The following ZNF696 variants were observed in gnomAD, a reference collection of about 807,000 sequenced individuals.
ZNF696 encodes the protein zinc finger protein 696.
ZNF696 carries 10 observed loss-of-function variants against 12.3 expected under a neutral mutation model. The ratio of observed to expected loss-of-function variants is 0.81; its 90% CI spans 0.50 to 1.38. ZNF696 has a LOEUF of 1.38. ZNF696 is among the 40% of genes most tolerant of loss of function. The pLI is 0.00. For missense variants in ZNF696, 675 were observed against 554.7 expected (o/e 1.22, Z -2.18); for synonymous variants, 304 against 243.9 (o/e 1.25, Z -2.29).
rs1393578310 is a variant in ZNF696 at position 143,297,286 on chromosome 8, G to A, written c.*486G>A. On this transcript the variant is annotated 3_prime_UTR_variant, in exon 3 of 3. Transcript: ENST00000330143. ...CCTCCCCCGTACCTTGCGGGTCGGT[G>A]GTTCATCCATGTATTTCAACGCCTT... 6.3e-6 allele frequency: 1 copy of A among 158,090 alleles called. No homozygotes were observed. Among genetic ancestry groups the A allele is most frequent in the African/African-American group, 2.4e-5 (1 of 41,698 alleles). The allele number at this position is 158,090 out of a possible 1,614,324, so 9.8% of individuals were successfully genotyped here.
At chr8:143,295,394 A>G (rs997906970) in intron 2 of ZNF696, 24 of 579,006 alleles carry the variant, frequency 4.1e-5, no homozygotes, top group East Asian at 7.8e-5. Flanking sequence ...GGATCTCACT[A>G]TGTTGGCCAG....
Position 143,298,423 on chromosome 8 carries a change from G to C in ZNF696, c.*1623G>C, listed in dbSNP as rs532835908. Among the ~76,000 whole-genome samples, 5 of 152,270 alleles carry C rather than the reference G, an allele frequency of 3.3e-5. No homozygotes were observed. Among genetic ancestry groups the C allele is most frequent in the Non-Finnish European group, 5.9e-5 (4 of 68,010 alleles). On this transcript the variant is annotated 3_prime_UTR_variant, in exon 3 of 3. Coordinates refer to ENST00000330143, the MANE Select transcript of ZNF696 (RefSeq NM_030895.3). The stretch of plus-strand genomic sequence containing the variant: ...TGGTGAGGTGGGAAGATGAGCCTGT[G>C]TCTCCCATGCTGAGCCAAGATCCTC...
At position 143,295,507 on chromosome 8, in the gene ZNF696, C is replaced by G. The variant is rs985611380; in HGVS notation, c.65-233C>G. On this transcript the variant is annotated intron_variant, in intron 2 of 2. Coordinates refer to ENST00000330143, the MANE Select transcript of ZNF696 (RefSeq NM_030895.3). ...CACATCCGGCCCCACAGCCCCGTTT[C>G]TGGAGTGGCAGTGCAGGATTCTCGT... 6 of 694,616 alleles carry G rather than the reference C, an allele frequency of 8.6e-6. No homozygotes were observed. The African/African-American group carries it at 1.1e-4, about 12-fold the overall frequency. 43.0% of individuals were successfully genotyped at this position (694,616 alleles called of 1,614,324 possible).
Position 143,296,190 on chromosome 8 carries a change from AGCGG to A in ZNF696, c.519_522del (p.Ala174ThrfsTer186), listed in dbSNP as rs1815708388. 6.3e-7 allele frequency: 1 copy of A among 1,599,710 alleles called. No homozygotes were observed. The highest frequency in any genetic ancestry group is 1.3e-5 in the African/African-American group (1 of 74,602). ...CACAGCTCGCACGTGGTCCGGCACC[AGCGG>A]GCGCACAGCGGGGAGAGGCCCTACG... On this transcript the variant is annotated frameshift_variant, in exon 3 of 3. Coordinates refer to ENST00000330143, the MANE Select transcript of ZNF696 (RefSeq NM_030895.3). LOFTEE classifies it high-confidence loss of function.
At chr8:143,292,903 C>T in intron 1 of ZNF696, 69 bp from the exon 2 acceptor site, 1 of 1,381,492 alleles carries the variant, frequency 7.2e-7, no homozygotes, top group Non-Finnish European at 9.9e-7. Context: ...GGCATTCTGA[C>T]CTCACTGCCC....
chr8:143,294,853 G>A (rs1289256867), intron 2 of ZNF696, among the ~76,000 whole-genome samples: 2 of 152,088 alleles, frequency 1.3e-5, no homozygotes. Flanking sequence ...ACTTTAGGAG[G>A]CTCAGGTGGG....
At position 143,296,507 on chromosome 8, in the gene ZNF696, T is replaced by G. The variant is rs767395279; in HGVS notation, c.832T>G (p.Ser278Ala). The G allele has an allele frequency of 3.7e-6, 6 of 1,607,780 alleles. No homozygotes were observed. Among genetic ancestry groups the G allele is most frequent in the East Asian group, 2.2e-5 (1 of 44,814 alleles). Reference protein sequence around the residue: ...RECGQAFSQSSNLLQHQRVHT... With the variant: ...RECGQAFSQSANLLQHQRVHT... Reference sequence around the variant, plus strand: ...GTGCGGCCAGGCCTTCAGCCAGAGCTCCAACCTCCTCCAGCACCAGCGCGT... The same window carrying G: ...GTGCGGCCAGGCCTTCAGCCAGAGCGCCAACCTCCTCCAGCACCAGCGCGT... Residue 278 changes from serine to alanine, a missense_variant, in exon 3 of 3, where the codon TCC becomes GCC. Ser to Ala is a moderately conservative substitution (Grantham distance 99). Coordinates refer to ENST00000330143, the MANE Select transcript of ZNF696 (RefSeq NM_030895.3).
chr8:143,293,713 T>G (rs1815662731), intron 2 of ZNF696, among the ~76,000 whole-genome samples: 1 of 152,200 alleles, frequency 6.6e-6, no homozygotes, highest in South Asian at 2.1e-4. Flanking sequence ...TAGTCTTGGT[T>G]CTTTTTCCTC....
At chr8:143,292,467 T>C (rs1815640331) in intron 1 of ZNF696, among the ~76,000 whole-genome samples, 1 of 152,096 alleles carries the variant, frequency 6.6e-6, no homozygotes, top group Non-Finnish European at 1.5e-5. Context: ...TAAATTTTTT[T>C]ATGTAGTTGA....
chr8:143,293,334 A>T (rs921620316), intron 2 of ZNF696: 30 of 548,236 alleles, frequency 5.5e-5, no homozygotes, highest in South Asian at 7.8e-5. Context: ...GTGCTTCTCC[A>T]CCTTGGCACC....
chr8:143,291,814 T>C (rs768162876), intron 1 of ZNF696, 47 bp downstream of exon 1: 8 of 984,484 alleles, frequency 8.1e-6, no homozygotes, highest in Non-Finnish European at 9.6e-6. Flanking sequence ...AATTGCACTT[T>C]AAATTACCTT....
chr8:143,297,501 T>A lies in ZNF696; in HGVS notation c.*701T>A, dbSNP rs1478331168. ...CCATCTCGACTAAAAATACAAAAAA[T>A]TAATTGGGCGTGGTGGCGTGCGCCT... On this transcript the variant is annotated 3_prime_UTR_variant, in exon 3 of 3. Coordinates refer to ENST00000330143, the MANE Select transcript of ZNF696 (RefSeq NM_030895.3). 1.3e-5 allele frequency: 2 copies of A among 152,134 alleles called. No homozygotes were observed. The highest frequency in any genetic ancestry group is 2.4e-5 in the African/African-American group (1 of 41,414). 9.4% of individuals were successfully genotyped at this position (152,134 alleles called of 1,614,324 possible).
Position 143,296,350 on chromosome 8 carries a change from C to G in ZNF696, c.675C>G (p.Ala225=). The stretch of plus-strand genomic sequence containing the variant: ...CCTTCGGCCAGAGGTCGGACGCCGC[C>G]AAGCACCGCCGCACCCACACCGGGG... ...GKAFGQRSDA[A]KHRRTHTGER... The change falls in exon 3 of 3, where the codon GCC becomes GCG. Residue 225 remains alanine (A), a synonymous_variant. Transcript: ENST00000330143. 1 of 1,591,068 alleles carries G rather than the reference C, an allele frequency of 6.3e-7. No individual in the cohort carries two copies. Among genetic ancestry groups the G allele is most frequent in the Non-Finnish European group, 8.5e-7 (1 of 1,172,528 alleles).
Position 143,295,799 on chromosome 8 carries a change from G to A in ZNF696, c.124G>A (p.Ala42Thr). 1 of 1,604,052 alleles carries A rather than the reference G, an allele frequency of 6.2e-7. No homozygotes were observed. Among genetic ancestry groups the A allele is most frequent in the South Asian group, 1.1e-5 (1 of 90,082 alleles). Residue 42 changes from alanine (A) to threonine (T), a missense_variant, in exon 3 of 3, where the codon GCA (alanine) becomes ACA (threonine). Ala to Thr is a moderately conservative substitution (Grantham distance 58). Coordinates refer to ENST00000330143, the MANE Select transcript of ZNF696 (RefSeq NM_030895.3). ...PSGSRSAEVQ[A>T]AQSTEPAAEA... ...TGGCAGCCGGTCAGCCGAGGTGCAGGCAGCTCAGAGCACGGAGCCTGCCGC... is the reference window on the plus strand; with the variant it reads ...TGGCAGCCGGTCAGCCGAGGTGCAGACAGCTCAGAGCACGGAGCCTGCCGC...
rs564676000 is a variant in ZNF696, at chr8:143,298,266, G to T, written c.*1466G>T. On this transcript the variant is annotated 3_prime_UTR_variant, in exon 3 of 3. Transcript: ENST00000330143. ...GCTGGCTGCCGCTTCCAAGACAGTC[G>T]CTTTGAGGGCTCTTGGCACCGATTT... Among the ~76,000 whole-genome samples the T allele has an allele frequency of 2.0e-5, 3 of 152,212 alleles. No individual in the cohort carries two copies. The highest frequency in any genetic ancestry group is 2.0e-4 in the Admixed American group (3 of 15,286).
rs781681057 is a variant in ZNF696, at chr8:143,296,625, G to C, written c.950G>C (p.Gly317Ala). Residue 317 changes from glycine to alanine, a missense_variant, in exon 3 of 3, where the codon GGG becomes GCG. Gly to Ala is a moderately conservative substitution (Grantham distance 60). Transcript: ENST00000330143. Reference protein sequence around the residue: ...FLREHRRIHTGEKPHQCGHCG... With the variant: ...FLREHRRIHTAEKPHQCGHCG... ...CGCGAGCACCGCCGCATCCACACCG[G>C]GGAGAAGCCCCACCAGTGCGGCCAC... The C allele has an allele frequency of 2.5e-6, 4 of 1,585,770 alleles. No individual in the cohort carries two copies.
chr8:143,291,819 T>C, intron 1 of ZNF696, 52 bp downstream of exon 1: 1 of 983,258 alleles, frequency 1.0e-6, no homozygotes, highest in Non-Finnish European at 1.2e-6. Flanking sequence ...CACTTTAAAT[T>C]ACCTTTTTGT....
rs1032984948 is a variant in ZNF696 at position 143,298,201 on chromosome 8, G to A, written c.*1401G>A. 1 of 152,146 alleles carries A rather than the reference G, an allele frequency of 6.6e-6. No individual in the cohort carries two copies. Among genetic ancestry groups the A allele is most frequent in the African/African-American group, 2.4e-5 (1 of 41,410 alleles). The allele number at this position is 152,146 out of a possible 1,614,324, so 9.4% of individuals were successfully genotyped here. On this transcript the variant is annotated 3_prime_UTR_variant, in exon 3 of 3. Transcript: ENST00000330143. ...TTGTGACCACCTCCTGCAGTTCTCT[G>A]CCCAGGTAAGGACTAATTGGGAAGA...
At chr8:143,294,403 T>C (rs1348098377) in intron 2 of ZNF696, among the ~76,000 whole-genome samples, 1 of 151,540 alleles carries the variant, frequency 6.6e-6, no homozygotes, top group African/African-American at 2.4e-5. Flanking sequence ...TTTTTTTTTT[T>C]TAAGACAAAG....
Sources: gnomAD v4.1 joint callset for allele counts (sites outside exome capture counted in the v4.1 genomes callset) on GRCh38, gnomAD v4.1.1 for gene constraint, MANE v1.5 for transcripts, NCBI Gene and HGNC (gene_info 2026-07-23, HGNC 2026-07-21) for gene names.